Variants in STK39 observed in about 807,000 individuals in gnomAD.
STK39 encodes the protein serine/threonine kinase 39, also known as STE20/SPS1-related proline-alanine-rich protein kinase.
STK39 carries 20 observed loss-of-function variants against 77.8 expected under a neutral mutation model. The ratio of observed to expected loss-of-function variants is 0.26; its 90% CI spans 0.18 to 0.37. The LOEUF is 0.37. Among genes scored for constraint, STK39 ranks in the 10% least tolerant of loss-of-function variants. STK39 has a pLI of 1.00. For synonymous variants in STK39, 246 were observed against 234.1 expected, an observed-to-expected ratio of 1.05 and a Z score of -0.47; for missense variants, 479 against 656.5, an observed-to-expected ratio of 0.73 and a Z score of 2.95.
At chr2:168,009,630 T>C (rs142598844) in intron 16 of STK39, among the ~76,000 whole-genome samples, 124 of 152,298 alleles carry the variant, frequency 8.1e-4, no homozygotes, top group African/African-American at 2.8e-3. Context: ...CCTTATAGAA[T>C]TGATGTGATG....
At chr2:168,027,926 T>C (rs2105334787) in intron 14 of STK39, among the ~76,000 whole-genome samples, 1 of 152,358 alleles carries the variant, frequency 6.6e-6, no homozygotes, top group South Asian at 2.1e-4. Flanking sequence ...AGTCCAGGGC[T>C]GACACATGAA....
chr2:168,065,593 T>C (rs1019954132), intron 12 of STK39, among the ~76,000 whole-genome samples: 2 of 152,150 alleles, frequency 1.3e-5, no homozygotes, highest in African/African-American at 4.8e-5. Flanking sequence ...GACTCAGAAT[T>C]CCACAGAGAT....
intron 1 of STK39, among the ~76,000 whole-genome samples, chr2:168,231,061 T>G (rs1347107699): frequency 6.6e-6 from 1 of 152,124 alleles, no homozygotes; most frequent in Non-Finnish European, 1.5e-5. Flanking sequence ...CACTGTAATC[T>G]CCAACCAAGT....
chr2:168,082,422 GC>G (rs1158357418), intron 10 of STK39, among the ~76,000 whole-genome samples: 1 of 152,074 alleles, frequency 6.6e-6, no homozygotes, highest in Non-Finnish European at 1.5e-5. Context: ...TCCCTACTAG[GC>G]CACCAATGCT....
intron 1 of STK39, among the ~76,000 whole-genome samples, chr2:168,246,962 A>G (rs1485095274): frequency 6.6e-6 from 1 of 151,468 alleles, no homozygotes; most frequent in Non-Finnish European, 1.5e-5. Flanking sequence ...CCCTGAGATA[A>G]AAGTTTGCAG....
At chr2:167,995,020 T>C (rs1013389587) in intron 16 of STK39, among the ~76,000 whole-genome samples, 6 of 151,922 alleles carry the variant, frequency 3.9e-5, no homozygotes, top group African/African-American at 7.2e-5. Flanking sequence ...GATGACTACA[T>C]GAAGTCTACA....
intron 1 of STK39, among the ~76,000 whole-genome samples, chr2:168,189,800 A>T (rs1340100795): frequency 6.6e-6 from 1 of 152,240 alleles, no homozygotes. Context: ...TCAGAGGTTC[A>T]GCCCCTCAAA....
chr2:168,092,136 T>C (rs558265828), intron 10 of STK39, among the ~76,000 whole-genome samples: 1 of 152,344 alleles, frequency 6.6e-6, no homozygotes, highest in Non-Finnish European at 1.5e-5. Flanking sequence ...CCGATTTAGA[T>C]GCTGCTGTTT....
chr2:167,956,963 C>G (rs538762690), intron 17 of STK39, among the ~76,000 whole-genome samples: 3 of 152,006 alleles, frequency 2.0e-5, no homozygotes, highest in South Asian at 2.1e-4. Context: ...CCAATCACCA[C>G]AATTAAGCTG....
At chr2:168,083,907 C>T (rs1398883201) in intron 10 of STK39, among the ~76,000 whole-genome samples, 1 of 152,116 alleles carries the variant, frequency 6.6e-6, no homozygotes, top group Non-Finnish European at 1.5e-5. Flanking sequence ...AGGCAACCAG[C>T]ATTGACTGAC....
intron 16 of STK39, among the ~76,000 whole-genome samples, chr2:167,967,470 A>G (rs1157170609): frequency 6.6e-6 from 1 of 152,232 alleles, no homozygotes; most frequent in African/African-American, 2.4e-5. Flanking sequence ...GTTTCTCTGT[A>G]TCATACTTTA....
intron 12 of STK39, among the ~76,000 whole-genome samples, chr2:168,067,650 C>T (rs775772650): frequency 1.3e-5 from 2 of 152,134 alleles, no homozygotes; most frequent in Non-Finnish European, 2.9e-5. Flanking sequence ...CAACGAACTG[C>T]ATTCCTCCAA....
intron 10 of STK39, among the ~76,000 whole-genome samples, chr2:168,099,354 T>C (rs1686759883): frequency 6.6e-6 from 1 of 151,950 alleles, no homozygotes; most frequent in East Asian, 1.9e-4. Flanking sequence ...ACAAAAGGGG[T>C]TGTTAGGTTG....
chr2:168,116,824 A>C (rs1687272231), intron 10 of STK39, among the ~76,000 whole-genome samples: 1 of 152,232 alleles, frequency 6.6e-6, no homozygotes. Context: ...CTCATTTTAA[A>C]GACTTGCAGG....
intron 13 of STK39, 133 bp downstream of exon 13, chr2:168,065,186 A>G (rs1685762052): frequency 1.2e-6 from 1 of 867,188 alleles, no homozygotes; most frequent in Non-Finnish European, 1.8e-6. Flanking sequence ...ATAGCAACCT[A>G]TTTAAAAAGA....
intron 14 of STK39, among the ~76,000 whole-genome samples, chr2:168,025,392 G>C (rs1337958212): frequency 6.6e-6 from 1 of 152,110 alleles, no homozygotes; most frequent in Non-Finnish European, 1.5e-5. Context: ...TGATAGTGAT[G>C]GCCCACTATC....
chr2:168,038,924 A>G (rs1685028242), intron 14 of STK39, among the ~76,000 whole-genome samples: 2 of 152,224 alleles, frequency 1.3e-5, no homozygotes. Context: ...TAGAGGAACT[A>G]GAATTCTCAT....
intron 1 of STK39, among the ~76,000 whole-genome samples, chr2:168,222,170 A>T (rs1015689157): frequency 6.6e-6 from 1 of 152,164 alleles, no homozygotes; most frequent in African/African-American, 2.4e-5. Flanking sequence ...GAAACCCTAC[A>T]GTGTTTTCAC....
chr2:168,178,013 A>C (rs945464372), intron 2 of STK39, among the ~76,000 whole-genome samples: 9 of 152,214 alleles, frequency 5.9e-5, no homozygotes, highest in African/African-American at 1.7e-4. Flanking sequence ...GGTCTCCCCC[A>C]AAAATAGGAA....
Sources: allele counts gnomAD v4.1 joint callset (sites outside exome capture counted in the v4.1 genomes callset), GRCh38; gene constraint gnomAD v4.1.1; transcripts MANE v1.5; gene names NCBI Gene and HGNC (gene_info 2026-07-23, HGNC 2026-07-21).